The following IRAG1 variants were observed in gnomAD, a reference collection of about 807,000 sequenced individuals.
IRAG1 encodes the protein IP3R-associated cGMP kinase substrate.
In IRAG1, 62 loss-of-function variants were observed where a neutral mutation model predicts 106.2. The ratio of observed to expected loss-of-function variants is 0.58; its 90% confidence interval spans 0.48 to 0.72. IRAG1 has a LOEUF of 0.72. IRAG1 is among the 30% of genes least tolerant of loss of function. The pLI, the probability that IRAG1 is intolerant of heterozygous loss-of-function variation, is 0.00. For synonymous variants in IRAG1, 462 were observed against 443.9 expected (o/e 1.04, Z -0.51); for missense variants, 1,064 against 1,140.7 (o/e 0.93, Z 0.97).
intron 15 of IRAG1, chr11:10,595,680 T>G (rs1349535925): frequency 6.6e-6 from 1 of 152,224 alleles, no homozygotes; most frequent in Non-Finnish European, 1.5e-5. Context: ...TGTATCCTAC[T>G]TGTTTCTTTT....
intron 1 of IRAG1, 123 bp from the exon 2 acceptor site, chr11:10,652,305 A>G: frequency 6.6e-7 from 1 of 1,504,102 alleles, no homozygotes; most frequent in South Asian, 1.3e-5. Context: ...ACCGGAGGTC[A>G]AACCAGGCTA....
At chr11:10,682,390 T>C (rs1031651242) in intron 1 of IRAG1, among the ~76,000 whole-genome samples, 1 of 152,228 alleles carries the variant, frequency 6.6e-6, no homozygotes, top group South Asian at 2.1e-4. Context: ...GGAATCGTGA[T>C]ATAGGGACAA....
chr11:10,622,817 G>A (rs1465268165), intron 10 of IRAG1, among the ~76,000 whole-genome samples: 1 of 149,786 alleles, frequency 6.7e-6, no homozygotes, highest in Non-Finnish European at 1.5e-5. Flanking sequence ...AATTTCATTC[G>A]TTCATTCAAC....
At chr11:10,630,621 A>G (rs910127698) in intron 4 of IRAG1, among the ~76,000 whole-genome samples, 9 of 152,194 alleles carry the variant, frequency 5.9e-5, no homozygotes, top group African/African-American at 2.2e-4. Context: ...ACATCTGGCC[A>G]TGCCATTCTC....
At position 10,576,452 on chromosome 11, in the gene IRAG1, A is replaced by G. The variant is rs1316295936; in HGVS notation, c.2619T>C (p.Asn873=). Residue 873 remains asparagine (N), a synonymous_variant, in exon 21 of 21, where the codon AAT becomes AAC. Transcript: ENST00000423302. ...LVLTVVLGLY[N]SYNSCAEQAD... ...CCTGCTCTGCACAAGAGTTATAGGAATTGTAGAGCCCCAGCACAACAGTCA... is the reference window on the plus strand; with the variant it reads ...CCTGCTCTGCACAAGAGTTATAGGAGTTGTAGAGCCCCAGCACAACAGTCA... The G allele has an allele frequency of 6.2e-7, 1 of 1,613,988 alleles. No homozygotes were observed. The highest frequency in any genetic ancestry group is 1.1e-5 in the South Asian group (1 of 91,082).
At chr11:10,653,784 G>T (rs1564930267) in intron 1 of IRAG1, among the ~76,000 whole-genome samples, 1 of 152,160 alleles carries the variant, frequency 6.6e-6, no homozygotes, top group Non-Finnish European at 1.5e-5. Context: ...CAGGAAGCTT[G>T]GCCGAAGCTC....
At chr11:10,651,964 G>T (rs1858547736) in intron 2 of IRAG1, 61 bp downstream of exon 2, 17 of 1,496,398 alleles carry the variant, frequency 1.1e-5, no homozygotes, top group African/African-American at 1.4e-5. Flanking sequence ...TGTGGCCTCA[G>T]CCCAGGGTGC....
intron 1 of IRAG1, among the ~76,000 whole-genome samples, chr11:10,660,552 C>T (rs1859314455): frequency 6.6e-6 from 1 of 152,186 alleles, no homozygotes. Context: ...ATTGCCAGCA[C>T]ACCACTGAGC....
intron 10 of IRAG1, among the ~76,000 whole-genome samples, chr11:10,618,151 G>A (rs1329031060): frequency 6.6e-6 from 1 of 152,138 alleles, no homozygotes; most frequent in Admixed American, 6.5e-5. Flanking sequence ...TTCTGTTCCT[G>A]AAGTATGCCA....
intron 2 of IRAG1, among the ~76,000 whole-genome samples, chr11:10,651,494 G>C (rs1858501907): frequency 6.6e-6 from 1 of 152,184 alleles, no homozygotes; most frequent in Non-Finnish European, 1.5e-5. Context: ...AATCTGTATA[G>C]CTAAAAATAG....
chr11:10,613,346 A>G (rs1479725626), intron 10 of IRAG1, among the ~76,000 whole-genome samples: 1 of 152,148 alleles, frequency 6.6e-6, no homozygotes, highest in Non-Finnish European at 1.5e-5. Flanking sequence ...AGCTTTCTCC[A>G]TAACTTTAAA....
intron 5 of IRAG1, among the ~76,000 whole-genome samples, chr11:10,629,179 A>G (rs775127416): frequency 6.6e-6 from 1 of 152,112 alleles, no homozygotes; most frequent in African/African-American, 2.4e-5. Flanking sequence ...CCTGACTTCA[A>G]AAGCTCCCCT....
intron 1 of IRAG1, among the ~76,000 whole-genome samples, chr11:10,676,862 A>T (rs1255130503): frequency 6.6e-6 from 1 of 152,198 alleles, no homozygotes; most frequent in Non-Finnish European, 1.5e-5. Context: ...TTGGAGGTTC[A>T]CCCTTCCCAC....
chr11:10,690,207 T>C (rs953700142), intron 1 of IRAG1: 1 of 344,704 alleles, frequency 2.9e-6, no homozygotes, highest in Non-Finnish European at 5.5e-6. Context: ...CTGGGCAACA[T>C]GACAAAACTC....
At chr11:10,591,450 C>T in intron 18 of IRAG1, 98 bp downstream of exon 18, 1 of 1,092,348 alleles carries the variant, frequency 9.2e-7, no homozygotes, top group Non-Finnish European at 1.4e-6. Flanking sequence ...AATTTGCTTT[C>T]CACTGCATTT....
At position 10,626,155 on chromosome 11, in the gene IRAG1, G is replaced by A. The variant is rs2241489; in HGVS notation, c.1179C>T (p.Leu393=). The change falls in exon 9 of 21, where the codon CTC becomes CTT. Residue 393 remains leucine (L), a synonymous_variant. Coordinates refer to ENST00000423302, the MANE Select transcript of IRAG1 (RefSeq NM_130385.4). Reference sequence around the variant, plus strand: ...GTTCTTCAGGGCCACTGTCCCAGGAGAGCCCTCGCAGCAGCGGGGGCCGGG... The same window carrying A: ...GTTCTTCAGGGCCACTGTCCCAGGAAAGCCCTCGCAGCAGCGGGGGCCGGG... ...TVSRPPLLRG[L]SWDSGPEEPG... The A allele has an allele frequency of 0.48, 733,042 of 1,537,850 alleles. 178,209 individuals carry two copies. Among genetic ancestry groups the A allele is most frequent in the East Asian group, 0.69 (30,539 of 43,972 alleles).
chr11:10,678,038 A>G (rs1419531327), intron 1 of IRAG1, among the ~76,000 whole-genome samples: 1 of 136,278 alleles, frequency 7.3e-6, no homozygotes, highest in African/African-American at 2.8e-5. Context: ...TCTATCATCT[A>G]TCTGTCTATC....
intron 18 of IRAG1, 37 bp downstream of exon 18, chr11:10,591,511 A>T (rs1249290390): frequency 6.5e-7 from 1 of 1,546,604 alleles, no homozygotes; most frequent in South Asian, 1.2e-5. Flanking sequence ...ATTTCCTGAG[A>T]GATCCCTGAA....
chr11:10,689,028 C>T (rs950067559), intron 1 of IRAG1, among the ~76,000 whole-genome samples: 7 of 152,104 alleles, frequency 4.6e-5, no homozygotes, highest in African/African-American at 1.4e-4. Context: ...GCCTAGCACA[C>T]GGTACACACT....
Sources: gnomAD v4.1 joint callset for allele counts (sites outside exome capture counted in the v4.1 genomes callset) on GRCh38, gnomAD v4.1.1 for gene constraint, MANE v1.5 for transcripts, NCBI Gene and HGNC (gene_info 2026-07-23, HGNC 2026-07-21) for gene names.